The following FKBP14 variants were observed in gnomAD, a reference collection of about 807,000 sequenced individuals.
FKBP14 encodes the protein peptidyl-prolyl cis-trans isomerase FKBP14.
A neutral mutation model predicts 21.6 loss-of-function variants in FKBP14; 20 were observed. The observed-to-expected ratio is 0.92, with a 90% confidence interval of 0.65 to 1.34. The LOEUF is 1.34. Among genes scored for constraint, FKBP14 ranks in the 40% most tolerant of loss-of-function variants. The pLI, the probability that FKBP14 is intolerant of heterozygous loss-of-function variation, is 0.00. For missense variants in FKBP14, 253 were observed against 249.0 expected (o/e 1.02, Z -0.11); for synonymous variants, 79 against 86.7 (o/e 0.91, Z 0.49).
intron 3 of FKBP14, among the ~76,000 whole-genome samples, chr7:30,017,292 C>T (rs80346998): frequency 5.1e-4 from 78 of 151,944 alleles, no homozygotes; most frequent in African/African-American, 1.7e-3. Flanking sequence ...AATAATAGGC[C>T]GGATGCGGTA....
chr7:30,023,141 C>T (rs979462565), intron 1 of FKBP14, among the ~76,000 whole-genome samples: 1 of 152,180 alleles, frequency 6.6e-6, no homozygotes, highest in African/African-American at 2.4e-5. Context: ...TTAACCCTTA[C>T]AATAAGTCTA....
chr7:30,017,136 G>A (rs1158887102), intron 3 of FKBP14, among the ~76,000 whole-genome samples: 1 of 151,404 alleles, frequency 6.6e-6, no homozygotes, highest in African/African-American at 2.4e-5. Flanking sequence ...TAAGCCGGGT[G>A]CAATGGTGCA....
At chr7:30,007,876 T>C (rs1789643589), downstream of FKBP14, among the ~76,000 whole-genome samples, 1 of 151,942 alleles carries the variant, frequency 6.6e-6, no homozygotes, top group African/African-American at 2.4e-5. Context: ...TGGTGAAACC[T>C]GGACTCTACT....
At chr7:30,023,951 A>T (rs1790104666) in intron 1 of FKBP14, among the ~76,000 whole-genome samples, 1 of 152,148 alleles carries the variant, frequency 6.6e-6, no homozygotes, top group Non-Finnish European at 1.5e-5. Flanking sequence ...AACCCTATCA[A>T]CTGGGGACGA....
chr7:30,025,272 C>G (rs1790144281), intron 1 of FKBP14: 1 of 152,270 alleles, frequency 6.6e-6, no homozygotes, highest in African/African-American at 2.4e-5. Context: ...AAGTCTTTCC[C>G]TTTCCCCACC....
At chr7:30,024,832 CA>C (rs1375444316) in intron 1 of FKBP14, among the ~76,000 whole-genome samples, 1 of 152,198 alleles carries the variant, frequency 6.6e-6, no homozygotes, top group Admixed American at 6.5e-5. Context: ...TGGCTACCAC[CA>C]AAGTCAGCAC....
intron 2 of FKBP14, 110 bp downstream of exon 2, chr7:30,022,555 C>T: frequency 9.3e-7 from 1 of 1,074,334 alleles, no homozygotes; most frequent in Non-Finnish European, 1.3e-6. Context: ...ATACATACCC[C>T]CTATTAACTT....
In FKBP14 at chr7:30,011,493, G is replaced by C. The variant is rs1433709557; in HGVS notation, c.*3242C>G. 6.9e-6 allele frequency: 1 copy of C among 145,538 alleles called. No individual in the cohort carries two copies. Among genetic ancestry groups the C allele is most frequent in the Non-Finnish European group, 1.5e-5 (1 of 67,156 alleles). The allele number at this position is 145,538 out of a possible 1,614,324, so 9.0% of individuals were successfully genotyped here. ...CCAGTTCTGTAAGCTCCGTTAGTAAGTGCCCTATACAGGTATACCATATAT... is the reference window on the plus strand; with the variant it reads ...CCAGTTCTGTAAGCTCCGTTAGTAACTGCCCTATACAGGTATACCATATAT... On this transcript the variant is annotated 3_prime_UTR_variant, in exon 4 of 4. Transcript: ENST00000222803.
intron 1 of FKBP14, 96 bp downstream of exon 1, chr7:30,026,216 G>C (rs1790166650): frequency 5.8e-6 from 7 of 1,217,252 alleles, no homozygotes; most frequent in Non-Finnish European, 6.8e-6. Context: ...TTGTAAAAGA[G>C]GCAAAACCAG....
Position 30,011,489 on chromosome 7 carries a change from G to A in FKBP14, c.*3246C>T, listed in dbSNP as rs1383113685. On this transcript the variant is annotated 3_prime_UTR_variant, in exon 4 of 4. Transcript: ENST00000222803. ...ACTTCCAGTTCTGTAAGCTCCGTTA[G>A]TAAGTGCCCTATACAGGTATACCAT... is the stretch of plus-strand genomic sequence containing the variant. The A allele has an allele frequency of 1.4e-5, 2 of 145,558 alleles. No homozygotes were observed. The highest frequency in any genetic ancestry group is 5.1e-5 in the African/African-American group (2 of 38,982). The allele number at this position is 145,558 out of a possible 1,614,324, so 9.0% of individuals were successfully genotyped here.
rs549250128 is a variant in FKBP14, at chr7:30,026,665, T to C, written c.-157A>G. 1.1e-5 allele frequency: 7 copies of C among 633,324 alleles called. No individual in the cohort carries two copies. Among genetic ancestry groups the C allele is most frequent in the Admixed American group, 6.0e-5 (2 of 33,468 alleles). 39.2% of individuals were successfully genotyped at this position (633,324 alleles called of 1,614,324 possible). On this transcript the variant is annotated 5_prime_UTR_variant, in exon 1 of 4. Coordinates refer to ENST00000222803, the MANE Select transcript of FKBP14 (RefSeq NM_017946.4). Reference sequence around the variant, plus strand: ...CGTGGCACATTTACCACCAACTCTTTTCTCAAGGGTCACGAACCTACCTTT... The same window carrying C: ...CGTGGCACATTTACCACCAACTCTTCTCTCAAGGGTCACGAACCTACCTTT...
At chr7:30,025,786 C>G (rs1790157734) in intron 1 of FKBP14, 1 of 152,322 alleles carries the variant, frequency 6.6e-6, no homozygotes, top group African/African-American at 2.4e-5. Flanking sequence ...AATCATGGTC[C>G]TGTGCCTTGA....
downstream of FKBP14, among the ~76,000 whole-genome samples, chr7:30,006,996 T>C (rs980649785): frequency 2.0e-5 from 3 of 152,220 alleles, no homozygotes; most frequent in Non-Finnish European, 4.4e-5. Context: ...GGGGGTTGAG[T>C]CAGTCTGTCT....
At chr7:30,018,026 T>C (rs1298454323) in intron 3 of FKBP14, among the ~76,000 whole-genome samples, 1 of 151,204 alleles carries the variant, frequency 6.6e-6, no homozygotes, top group Non-Finnish European at 1.5e-5. Context: ...AATAAATAAA[T>C]AAATAAATAA....
In FKBP14 at chr7:30,019,125, T is replaced by G; in HGVS notation, c.350-2A>C. 6.4e-7 allele frequency: 1 copy of G among 1,565,064 alleles called. No homozygotes were observed. The highest frequency in any genetic ancestry group is 8.6e-7 in the Non-Finnish European group (1 of 1,165,074). ...GTGTACTTTCTGGGGGAATTTTACC[T>G]GACGTGAGGAAAGAAGGCAGAAAGT... On this transcript the variant is annotated splice_acceptor_variant, in intron 2 of 3. Coordinates refer to ENST00000222803, the MANE Select transcript of FKBP14 (RefSeq NM_017946.4). LOFTEE classifies it high-confidence loss of function.
intron 3 of FKBP14, among the ~76,000 whole-genome samples, chr7:30,017,353 A>G (rs1040450602): frequency 9.9e-5 from 15 of 151,976 alleles, no homozygotes; most frequent in African/African-American, 3.6e-4. Context: ...GGCGGATCAC[A>G]AAGTCAGGAG....
downstream of FKBP14, among the ~76,000 whole-genome samples, chr7:30,005,946 A>G (rs1040152844): frequency 5.3e-5 from 8 of 152,180 alleles, no homozygotes; most frequent in Non-Finnish European, 8.8e-5. Flanking sequence ...ATTTAACTGC[A>G]TGGCAAAGAC....
chr7:30,017,190 G>C (rs1789910347), intron 3 of FKBP14, among the ~76,000 whole-genome samples: 1 of 148,424 alleles, frequency 6.7e-6, no homozygotes, highest in African/African-American at 2.6e-5. Context: ...AAAAAAAACA[G>C]AAAGAAAGAA....
intron 3 of FKBP14, among the ~76,000 whole-genome samples, chr7:30,017,642 C>T (rs1789925744): frequency 6.6e-6 from 1 of 152,010 alleles, no homozygotes; most frequent in Non-Finnish European, 1.5e-5. Flanking sequence ...GTCTCAGCCT[C>T]AAGCAATCTT....
Sources: gnomAD v4.1 joint callset for allele counts (sites outside exome capture counted in the v4.1 genomes callset) on GRCh38, gnomAD v4.1.1 for gene constraint, MANE v1.5 for transcripts, NCBI Gene and HGNC (gene_info 2026-07-23, HGNC 2026-07-21) for gene names.